The following GGA1 variants were observed in gnomAD, a reference collection of about 807,000 sequenced individuals.
GGA1 encodes ADP-ribosylation factor-binding protein GGA1.
A neutral mutation model predicts 76.9 loss-of-function variants in GGA1; 18 were observed. That is an observed-to-expected ratio of 0.23 (90% CI 0.16 to 0.35). GGA1 has a LOEUF of 0.35. Among genes scored for constraint, GGA1 ranks in the 10% least tolerant of loss-of-function variants. The pLI, the probability that GGA1 is intolerant of heterozygous loss-of-function variation, is 1.00. For missense variants in GGA1, 755 were observed against 859.0 expected, an observed-to-expected ratio of 0.88 and a Z score of 1.51; for synonymous variants, 342 against 354.7, an observed-to-expected ratio of 0.96 and a Z score of 0.40.
intron 4 of GGA1, among the ~76,000 whole-genome samples, chr22:37,619,570 G>T (rs1234623762): frequency 1.3e-5 from 2 of 151,790 alleles, no homozygotes; most frequent in East Asian, 1.9e-4. Flanking sequence ...TAGAGACAGG[G>T]TTTCACCATA....
chr22:37,616,046 G>C (rs985623929), intron 2 of GGA1, among the ~76,000 whole-genome samples: 1 of 152,024 alleles, frequency 6.6e-6, no homozygotes, highest in African/African-American at 2.4e-5. Flanking sequence ...GTTTCACCGT[G>C]TTAGCCAGGA....
Position 37,621,602 on chromosome 22 carries a change from C to G in GGA1, c.529-14C>G. On this transcript the variant is annotated splice_polypyrimidine_tract_variant and intron_variant, in intron 6 of 16. Coordinates refer to ENST00000343632, the MANE Select transcript of GGA1 (RefSeq NM_013365.5). ...AGGTGCTGCCCTCACGGTCACACCCCTCTGTCTCTGCAGATGCTGGCCCGC... is the reference window on the plus strand; with the variant it reads ...AGGTGCTGCCCTCACGGTCACACCCGTCTGTCTCTGCAGATGCTGGCCCGC... 6.5e-7 allele frequency: 1 copy of G among 1,543,196 alleles called. No homozygotes were observed. The highest frequency in any genetic ancestry group is 8.8e-7 in the Non-Finnish European group (1 of 1,139,582).
chr22:37,630,681 G>C, intron 13 of GGA1: 1 of 547,522 alleles, frequency 1.8e-6, no homozygotes, highest in Non-Finnish European at 3.2e-6. Context: ...ATTCTCCTAC[G>C]TCAGGCTCCT....
At chr22:37,628,226 G>A in intron 11 of GGA1, among the ~76,000 whole-genome samples, 1 of 152,176 alleles carries the variant, frequency 6.6e-6, no homozygotes, top group East Asian at 1.9e-4. Context: ...CAAGTAGATG[G>A]GACCACAGGC....
chr22:37,616,876 C>T (rs534002227), intron 2 of GGA1, 46 bp from the exon 3 acceptor site: 44 of 1,544,680 alleles, frequency 2.8e-5, no homozygotes, highest in South Asian at 7.3e-5. Flanking sequence ...CTAGGGTGAC[C>T]GGGACTCCGT....
rs775737795 is a variant in GGA1, at chr22:37,623,629, C to T, written c.828C>T (p.Ala276=). ...GTGACACAGAGGACAATGATGAGGCCTTAGGTGAGCCCAGGGCAGGTGCTG... is the reference window on the plus strand; with the variant it reads ...GTGACACAGAGGACAATGATGAGGCTTTAGGTGAGCCCAGGGCAGGTGCTG... ...LASDTEDNDE[A]LAEILQANDN... is the part of the protein sequence containing the mutation. Residue 276 remains alanine (A), a synonymous_variant, in exon 9 of 17, where the codon GCC becomes GCT. Coordinates refer to ENST00000343632, the MANE Select transcript of GGA1 (RefSeq NM_013365.5). The surrounding 1 kb of genome is among the most constrained non-coding windows in gnomAD (Gnocchi z 4.6). The T allele has an allele frequency of 1.3e-6, 2 of 1,574,618 alleles. No individual in the cohort carries two copies. Among genetic ancestry groups the T allele is most frequent in the Non-Finnish European group, 1.7e-6 (2 of 1,159,026 alleles).
At chr22:37,617,237 G>T in intron 3 of GGA1, 1 of 1,374,344 alleles carries the variant, frequency 7.3e-7, no homozygotes. Context: ...GGGTCATCTG[G>T]TCCAGGGGTT....
intron 12 of GGA1, among the ~76,000 whole-genome samples, chr22:37,629,789 C>T (rs1931468482): frequency 1.3e-5 from 2 of 152,214 alleles, no homozygotes; most frequent in East Asian, 1.9e-4. Flanking sequence ...CTTCCTTTCC[C>T]TTGAGGGTGA....
chr22:37,621,511 TA>T, intron 6 of GGA1, 104 bp from the exon 7 acceptor site: 1 of 702,414 alleles, frequency 1.4e-6, no homozygotes, highest in South Asian at 1.7e-5. Context: ...TTAAGTAACT[TA>T]CTCAGGTCCC....
chr22:37,623,367 C>T lies in GGA1; in HGVS notation c.650C>T (p.Ala217Val). 1 of 1,613,408 alleles carries T rather than the reference C, an allele frequency of 6.2e-7. No individual in the cohort carries two copies. The highest frequency in any genetic ancestry group is 8.5e-7 in the Non-Finnish European group (1 of 1,179,382). ...RMEKISKRVN[A>V]IEEVNNNVKL... ...GAGAAGATCTCGAAGAGGGTGAATGCCATCGAGGAGGTGAACAACAATGTG... is the reference window on the plus strand; with the variant it reads ...GAGAAGATCTCGAAGAGGGTGAATGTCATCGAGGAGGTGAACAACAATGTG... Residue 217 changes from alanine to valine, a missense_variant, in exon 8 of 17, where the codon GCC becomes GTC. Coordinates refer to ENST00000343632, the MANE Select transcript of GGA1 (RefSeq NM_013365.5). This position sits in a 1 kb window ranked among gnomAD's most constrained non-coding sequence, Gnocchi z 4.6.
In GGA1 at chr22:37,625,615, C is replaced by T. The variant is rs369896156; in HGVS notation, c.941-182C>T. 1.2e-4 allele frequency among the ~76,000 whole-genome samples: 19 copies of T among 152,260 alleles called. No homozygotes were observed. The highest frequency in any genetic ancestry group is 4.3e-4 in the African/African-American group (18 of 41,542). On this transcript the variant is annotated intron_variant, in intron 10 of 16. Transcript: ENST00000343632. The surrounding 1 kb of genome is among the most constrained non-coding windows in gnomAD (Gnocchi z 4.1). ...AATACATTCCGGACAGAAGTACCAT[C>T]ATATGCCAAAGAGAGGTCCTGTTGA...
At chr22:37,617,634 G>A (rs1324550892) in intron 3 of GGA1, 1 of 707,814 alleles carries the variant, frequency 1.4e-6, no homozygotes. Flanking sequence ...AGGAGTTCAA[G>A]GCTACAGTGA....
At chr22:37,629,692 C>T (rs998423436) in intron 12 of GGA1, among the ~76,000 whole-genome samples, 166 bp downstream of exon 12, 1 of 152,198 alleles carries the variant, frequency 6.6e-6, no homozygotes, top group Non-Finnish European at 1.5e-5. Context: ...ACAGGGCCTC[C>T]CCTTACCTCC....
chr22:37,623,670 CT>C lies in GGA1; in HGVS notation c.832+38del, dbSNP rs766078687. On this transcript the variant is annotated intron_variant, in intron 9 of 16. Transcript: ENST00000343632. The surrounding 1 kb of genome is among the most constrained non-coding windows in gnomAD (Gnocchi z 4.6). ...GCAGGTGCTGAGGTCAGGTCCCCCC[CT>C]CTCCCTCCACCTCCTGCCCCCACCT... 22 of 1,377,992 alleles carry C rather than the reference CT, an allele frequency of 1.6e-5. No homozygotes were observed. The highest frequency in any genetic ancestry group is 1.5e-4 in the East Asian group (6 of 40,384). 85.4% of individuals were successfully genotyped at this position (1,377,992 alleles called of 1,614,324 possible).
intron 1 of GGA1, among the ~76,000 whole-genome samples, chr22:37,612,328 C>G (rs1161028156): frequency 6.8e-6 from 1 of 148,002 alleles, no homozygotes; most frequent in Non-Finnish European, 1.5e-5. Flanking sequence ...AAAAATTAGC[C>G]GGGCGTGGTG....
At chr22:37,631,252 A>G (rs2146005961) in intron 14 of GGA1, among the ~76,000 whole-genome samples, 153 bp downstream of exon 14, 1 of 152,280 alleles carries the variant, frequency 6.6e-6, no homozygotes. Context: ...TCCCCTTCCC[A>G]GGAGTCAGTT....
chr22:37,609,717 A>C, intron 1 of GGA1, among the ~76,000 whole-genome samples: 1 of 151,814 alleles, frequency 6.6e-6, no homozygotes, highest in African/African-American at 2.4e-5. Flanking sequence ...CCCTGCTCTC[A>C]CAGCCCCGCT....
intron 2 of GGA1, among the ~76,000 whole-genome samples, chr22:37,616,073 A>G (rs944344038): frequency 6.6e-6 from 1 of 151,862 alleles, no homozygotes; most frequent in Non-Finnish European, 1.5e-5. Context: ...CGATCTCCTG[A>G]CCTCATGATC....
At chr22:37,629,640 G>C in intron 12 of GGA1, 114 bp downstream of exon 12, 1 of 682,672 alleles carries the variant, frequency 1.5e-6, no homozygotes, top group Non-Finnish European at 2.4e-6. Context: ...AGAGCCCAGG[G>C]CCAGGGGGTG....
Sources: allele counts gnomAD v4.1 joint callset (sites outside exome capture counted in the v4.1 genomes callset), GRCh38; gene constraint gnomAD v4.1.1; non-coding constraint Gnocchi (gnomAD v3.1); transcripts MANE v1.5; gene names NCBI Gene and HGNC (gene_info 2026-07-23, HGNC 2026-07-21).